The following MDGA2 variants were observed in gnomAD, a reference collection of about 807,000 sequenced individuals.
MDGA2 encodes MAM domain containing glycosylphosphatidylinositol anchor 2, also known as MAM domain-containing glycosylphosphatidylinositol anchor protein 2.
In MDGA2, 40 loss-of-function variants were observed where a neutral mutation model predicts 117.8. That is an observed-to-expected ratio of 0.34 (90% CI 0.26 to 0.44). MDGA2 has a LOEUF of 0.44. Ranked by LOEUF, MDGA2 falls within the 20% of genes least tolerant of loss-of-function variation. The pLI is 1.00. For missense variants in MDGA2, 1,123 were observed against 1,250.6 expected (o/e 0.90, Z 1.54); for synonymous variants, 452 against 439.0 (o/e 1.03, Z -0.37).
At chr14:47,076,270 CTT>C (rs1566609739) in intron 6 of MDGA2, among the ~76,000 whole-genome samples, 2 of 151,906 alleles carry the variant, frequency 1.3e-5, no homozygotes, top group Non-Finnish European at 2.9e-5. Flanking sequence ...ACTTAATACT[CTT>C]TAACATTAAC....
intron 6 of MDGA2, among the ~76,000 whole-genome samples, 200 bp from the exon 7 acceptor site, chr14:47,061,778 A>T (rs555758884): frequency 1.8e-4 from 28 of 152,176 alleles, no homozygotes; most frequent in African/African-American, 5.5e-4. Context: ...ATCTAAGTCA[A>T]TTAAAGACTG....
chr14:46,933,799 AATATATATATATATATAT>A (rs34723414), intron 9 of MDGA2, among the ~76,000 whole-genome samples: 1,292 of 87,288 alleles, frequency 0.015, 28 homozygotes, highest in Non-Finnish European at 0.022. Flanking sequence ...TTATGTAACA[AATATATATATATATATAT>A]ATATATATAT....
intron 1 of MDGA2, among the ~76,000 whole-genome samples, chr14:47,504,076 A>G (rs1287758755): frequency 7.2e-5 from 11 of 152,214 alleles, no homozygotes. Flanking sequence ...CACAATACTT[A>G]TTGATTACAT....
intron 1 of MDGA2, among the ~76,000 whole-genome samples, chr14:47,463,021 G>A (rs1162180118): frequency 6.6e-6 from 1 of 152,172 alleles, no homozygotes; most frequent in Non-Finnish European, 1.5e-5. Flanking sequence ...GTGTGTGTGT[G>A]TGTGCATGTG....
chr14:47,286,887 G>A (rs1888706528), intron 2 of MDGA2, among the ~76,000 whole-genome samples: 1 of 140,980 alleles, frequency 7.1e-6, no homozygotes, highest in Admixed American at 7.1e-5. Context: ...GCAACATGAA[G>A]TCCCTGTTCT....
At position 47,344,345 on chromosome 14, in the gene MDGA2, CACAA is replaced by C. The variant is rs536747626; in HGVS notation, c.281-42799_281-42796del. On this transcript the variant is annotated intron_variant, in intron 1 of 16. Coordinates refer to ENST00000399232, the MANE Select transcript of MDGA2 (RefSeq NM_001113498.3). The stretch of plus-strand genomic sequence containing the variant: ...GTATTAAAACCTCCCTTCCATAATT[CACAA>C]ACAAACAGTTTTGATGTAATATTTT... Among the ~76,000 whole-genome samples the C allele has an allele frequency of 5.6e-4, 85 of 152,184 alleles. 1 individual carries two copies. The East Asian group carries it at 0.011, about 20-fold the overall frequency.
At chr14:46,844,958 T>C (rs1420645567) in intron 16 of MDGA2, among the ~76,000 whole-genome samples, 1 of 152,198 alleles carries the variant, frequency 6.6e-6, no homozygotes, top group African/African-American at 2.4e-5. Context: ...CTTGGCTCAC[T>C]GCAAGCTCCG....
At position 47,561,145 on chromosome 14, in the gene MDGA2, T is replaced by G. The variant is rs199592326; in HGVS notation, c.280+113372A>C. On this transcript the variant is annotated intron_variant, in intron 1 of 16. Transcript: ENST00000399232. ...TAGCATGATACCTCTATCTTTGTTT[T>G]TTTTTTTGTTTTGTTTTGTTTTTTT... Among the ~76,000 whole-genome samples the G allele has an allele frequency of 8.6e-3, 760 of 88,190 alleles. 21 individuals are homozygous for G. The East Asian group carries it at 0.22, about 25-fold the overall frequency. The allele number at this position is 88,190 out of a possible 152,430, so 57.9% of individuals were successfully genotyped here.
chr14:47,044,044 A>G (rs1225287573), intron 7 of MDGA2, among the ~76,000 whole-genome samples: 1 of 151,888 alleles, frequency 6.6e-6, no homozygotes, highest in Non-Finnish European at 1.5e-5. Flanking sequence ...TTTCTTCAGT[A>G]GCTCCCACAT....
At chr14:47,003,568 G>A (rs1356976558) in intron 8 of MDGA2, among the ~76,000 whole-genome samples, 10 of 151,986 alleles carry the variant, frequency 6.6e-5, no homozygotes, top group Non-Finnish European at 1.3e-4. Flanking sequence ...GAGTAATAAT[G>A]TTGAGTACTC....
At chr14:47,215,512 A>G (rs1330604887) in intron 3 of MDGA2, among the ~76,000 whole-genome samples, 15 of 152,144 alleles carry the variant, frequency 9.9e-5, no homozygotes, top group Admixed American at 9.8e-4. Flanking sequence ...TTTGGAGCAC[A>G]TGGACTCCTT....
intron 10 of MDGA2, among the ~76,000 whole-genome samples, chr14:46,892,068 TAAAAA>T (rs1882905352): frequency 1.3e-5 from 2 of 151,844 alleles, no homozygotes; most frequent in Admixed American, 1.3e-4. Flanking sequence ...ACAACTTTAT[TAAAAA>T]TGTTTTTTAA....
intron 1 of MDGA2, among the ~76,000 whole-genome samples, chr14:47,342,342 T>G (rs1234577695): frequency 1.3e-5 from 2 of 149,554 alleles, no homozygotes; most frequent in African/African-American, 2.4e-5. Context: ...TATAAATATG[T>G]GTGTATATAT....
intron 1 of MDGA2, among the ~76,000 whole-genome samples, chr14:47,592,368 C>A (rs1896457752): frequency 6.6e-6 from 1 of 152,022 alleles, no homozygotes; most frequent in South Asian, 2.1e-4. Context: ...CATTGCCATT[C>A]TTTACAGAAT....
At chr14:46,912,613 T>G (rs1217380676) in intron 10 of MDGA2, among the ~76,000 whole-genome samples, 1 of 152,206 alleles carries the variant, frequency 6.6e-6, no homozygotes, top group Non-Finnish European at 1.5e-5. Flanking sequence ...TTCACTCTTT[T>G]AAGTGTCTTT....
intron 1 of MDGA2, among the ~76,000 whole-genome samples, chr14:47,638,683 T>C (rs1034541143): frequency 6.6e-6 from 1 of 152,168 alleles, no homozygotes; most frequent in Non-Finnish European, 1.5e-5. Context: ...CCTACCCTAG[T>C]CCAAACCACA....
At chr14:47,355,822 G>A (rs765027042) in intron 1 of MDGA2, among the ~76,000 whole-genome samples, 4 of 152,144 alleles carry the variant, frequency 2.6e-5, no homozygotes, top group Non-Finnish European at 5.9e-5. Context: ...CCCAGTTAGC[G>A]TAACCCTGAG....
chr14:46,908,277 C>T (rs1214265755), intron 10 of MDGA2, among the ~76,000 whole-genome samples: 3 of 152,086 alleles, frequency 2.0e-5, no homozygotes, highest in Admixed American at 2.0e-4. Flanking sequence ...TCTTTATTTC[C>T]TAGTACTTTA....
chr14:47,175,168 A>G (rs1884378324), intron 3 of MDGA2, among the ~76,000 whole-genome samples: 1 of 151,198 alleles, frequency 6.6e-6, no homozygotes, highest in Admixed American at 6.6e-5. Context: ...TAGCTTACCA[A>G]CCAAAAAGAG....
Sources: allele counts gnomAD v4.1 joint callset (sites outside exome capture counted in the v4.1 genomes callset), GRCh38; gene constraint gnomAD v4.1.1; transcripts MANE v1.5; gene names NCBI Gene and HGNC (gene_info 2026-07-23, HGNC 2026-07-21).